The following IGFN1 variants were observed in gnomAD, a reference collection of about 807,000 sequenced individuals.
IGFN1 encodes the protein immunoglobulin-like and fibronectin type III domain-containing protein 1.
In IGFN1, 253 loss-of-function variants were observed where a neutral mutation model predicts 289.5. The observed-to-expected ratio is 0.87, with a 90% confidence interval of 0.79 to 0.97. The LOEUF (loss-of-function observed/expected upper bound fraction) is 0.97. Among genes scored for constraint, IGFN1 ranks in the 50% least tolerant of loss-of-function variants. IGFN1 has a pLI of 0.00. For synonymous variants in IGFN1, 1,706 were observed against 1,788.5 expected, an observed-to-expected ratio of 0.95 and a Z score of 1.16; for missense variants, 4,470 against 4,686.1, an observed-to-expected ratio of 0.95 and a Z score of 1.35.
rs1218794750 is a variant in IGFN1, at chr1:201,201,837, G to A, written c.747+5G>A. 2 of 1,311,086 alleles carry A rather than the reference G, an allele frequency of 1.5e-6. No individual in the cohort carries two copies. Among genetic ancestry groups the A allele is most frequent in the South Asian group, 2.5e-5 (2 of 79,410 alleles). 81.2% of individuals were successfully genotyped at this position (1,311,086 alleles called of 1,614,324 possible). On this transcript the variant is annotated splice_donor_5th_base_variant and intron_variant, in intron 9 of 23. Transcript: ENST00000335211. The stretch of plus-strand genomic sequence containing the variant: ...AGCAAGATTTACCTGTATAAGGTGA[G>A]GCTGGAGGGGCTATGGGTGGGGGGG...
chr1:201,216,178 C>A, intron 15 of IGFN1: 1 of 603,852 alleles, frequency 1.7e-6, no homozygotes, highest in Non-Finnish European at 3.0e-6. Flanking sequence ...GGTGCCCATA[C>A]CAGCCACCGG....
intron 8 of IGFN1, 22 bp downstream of exon 8, chr1:201,200,433 C>A: frequency 1.3e-6 from 2 of 1,541,816 alleles, no homozygotes; most frequent in Admixed American, 2.0e-5. Context: ...CATTCCCACC[C>A]CTCACTCCAT....
intron 15 of IGFN1, chr1:201,216,082 A>G (rs1653242326): frequency 2.9e-6 from 2 of 697,426 alleles, no homozygotes; most frequent in South Asian, 3.0e-5. Flanking sequence ...ACCCCAATAC[A>G]CTGGGCCCTC....
rs1201145924 is a variant in IGFN1, at chr1:201,211,767, G to A, written c.6874G>A (p.Gly2292Ser). 1 of 1,536,840 alleles carries A rather than the reference G, an allele frequency of 6.5e-7. No homozygotes were observed. Residue 2292 changes from glycine to serine, a missense_variant, in exon 12 of 24, where the codon GGT becomes AGT. By Grantham distance (56) the Gly-to-Ser change is moderately conservative. Transcript: ENST00000335211. ...DEAGYKNVLG[G>S]SGRNPLGSEA... ...GGCAGGTTATAAGAATGTTTTAGGG[G>A]GTTCTGGGAGGAATCCATTAGGGAG...
Position 201,194,270 on chromosome 1 carries a change from G to A in IGFN1, c.124G>A (p.Glu42Lys). 1 of 1,551,412 alleles carries A rather than the reference G, an allele frequency of 6.4e-7. No homozygotes were observed. Among genetic ancestry groups the A allele is most frequent in the Middle Eastern group, 1.7e-4 (1 of 5,916 alleles). The change falls in exon 3 of 24, where the codon GAG (glutamate) becomes AAG (lysine). Residue 42 changes from glutamate (E) to lysine (K), a missense_variant. Coordinates refer to ENST00000335211, the MANE Select transcript of IGFN1 (RefSeq NM_001164586.2). ...GAAGCCCGTCACCTCGGCTCTGCCA[G>A]AGGGTGAGCCCAGAGGGGAGCTGCG... ...EQKPVTSALPEGKNAVFRAVV... is the reference protein window; with the variant it reads ...EQKPVTSALPKGKNAVFRAVV...
chr1:201,207,849 G>T lies in IGFN1; in HGVS notation c.2956G>T (p.Gly986Cys). 2 of 1,535,928 alleles carry T rather than the reference G, an allele frequency of 1.3e-6. No homozygotes were observed. Among genetic ancestry groups the T allele is most frequent in the Non-Finnish European group, 1.7e-6 (2 of 1,146,146 alleles). The change falls in exon 12 of 24, where the codon GGC becomes TGC. Residue 986 changes from glycine to cysteine, a missense_variant. Physicochemically the swap from Gly to Cys is radical, Grantham distance 159 (BLOSUM62 -3). Coordinates refer to ENST00000335211, the MANE Select transcript of IGFN1 (RefSeq NM_001164586.2). ...AGGGGTTCCAGGAGAAATGGGGTCC[G>T]GCCATGGTGCTGGTTGTAGAGTTTC... ...GSGVPGEMGS[G>C]HGAGCRVSPR...
chr1:201,198,615 C>T lies in IGFN1; in HGVS notation c.368-719C>T, dbSNP rs371095017. 7.2e-5 allele frequency among the ~76,000 whole-genome samples: 11 copies of T among 151,822 alleles called. No individual in the cohort carries two copies. The South Asian group carries it at 2.3e-3, about 32-fold the overall frequency. On this transcript the variant is annotated intron_variant, in intron 5 of 23. Coordinates refer to ENST00000335211, the MANE Select transcript of IGFN1 (RefSeq NM_001164586.2). ...AATTTTTTTATTTTTTTTGTAGAGG[C>T]GGGGTCTCCCTGTGTTGCCCAGGCT... is the stretch of plus-strand genomic sequence containing the variant.
chr1:201,219,838 G>T (rs750209991), intron 18 of IGFN1, among the ~76,000 whole-genome samples: 2 of 152,210 alleles, frequency 1.3e-5, no homozygotes, highest in Non-Finnish European at 2.9e-5. Flanking sequence ...ATGGAGGGAT[G>T]GGGGAGGAAA....
In IGFN1 at chr1:201,200,416, C is replaced by G. The variant is rs1405205295; in HGVS notation, c.633+5C>G. On this transcript the variant is annotated splice_donor_5th_base_variant and intron_variant, in intron 8 of 23. Transcript: ENST00000335211. Reference sequence around the variant, plus strand: ...CAGGAGGACAAGATGGCACAGGTGCCTCACCCCATTCCCACCCCTCACTCC... The same window carrying G: ...CAGGAGGACAAGATGGCACAGGTGCGTCACCCCATTCCCACCCCTCACTCC... 1.9e-6 allele frequency: 3 copies of G among 1,550,400 alleles called. No homozygotes were observed. The highest frequency in any genetic ancestry group is 2.6e-6 in the Non-Finnish European group (3 of 1,146,182).
intron 22 of IGFN1, 28 bp downstream of exon 22, chr1:201,226,151 G>A: frequency 6.5e-7 from 1 of 1,549,782 alleles, no homozygotes; most frequent in African/African-American, 1.4e-5. Context: ...GGGAGGAGCA[G>A]GCAGGGTGGG....
chr1:201,213,596 T>G lies in IGFN1; in HGVS notation c.8703T>G (p.Thr2901=). 6.2e-7 allele frequency: 1 copy of G among 1,613,846 alleles called. No homozygotes were observed. The highest frequency in any genetic ancestry group is 8.5e-7 in the Non-Finnish European group (1 of 1,179,832). ...RSSTSRYKPG[T]GSFSKDAQGP... is the part of the protein sequence containing the mutation. ...CCACATCCAGATACAAGCCTGGCAC[T>G]GGCAGTTTCTCCAAGGATGCCCAAG... Residue 2901 remains threonine, a synonymous_variant, in exon 12 of 24, where the codon ACT becomes ACG. Transcript: ENST00000335211.
At chr1:201,225,023 T>C (rs1166723253) in intron 21 of IGFN1, 149 bp downstream of exon 21, 4 of 588,706 alleles carry the variant, frequency 6.8e-6, no homozygotes, top group East Asian at 3.1e-5. Flanking sequence ...CCATGCTTGA[T>C]GATAGAAAGT....
rs1196851183 is a variant in IGFN1 at position 201,207,942 on chromosome 1, G to C, written c.3049G>C (p.Gly1017Arg). Residue 1017 changes from glycine to arginine, a missense_variant, in exon 12 of 24, where the codon GGG (glycine) becomes CGG (arginine). Around this residue, in one of 8 missense-constraint regions of IGFN1, gnomAD observed 2,011 missense variants for 1,953.4 expected, o/e 1.03. Transcript: ENST00000335211. ...GGYRHGSGAP[G>R]GVWSGNEDSG... The stretch of plus-strand genomic sequence containing the variant: ...GTACAGGCATGGCTCCGGAGCGCCT[G>C]GGGGAGTGTGGTCTGGAAATGAAGA... 2.0e-6 allele frequency: 3 copies of C among 1,536,758 alleles called. No homozygotes were observed. The highest frequency in any genetic ancestry group is 2.6e-6 in the Non-Finnish European group (3 of 1,146,820).
intron 14 of IGFN1, 112 bp downstream of exon 14, chr1:201,215,266 T>C (rs542985567): frequency 8.7e-7 from 1 of 1,152,870 alleles, no homozygotes; most frequent in African/African-American, 1.6e-5. Flanking sequence ...GCAGCCAGTA[T>C]CTAATCTCAT....
At position 201,206,097 on chromosome 1, in the gene IGFN1, G is replaced by T. The variant is rs1335431765; in HGVS notation, c.1204G>T (p.Asp402Tyr). 6.5e-7 allele frequency: 1 copy of T among 1,548,932 alleles called. No individual in the cohort carries two copies. Among genetic ancestry groups the T allele is most frequent in the East Asian group, 2.4e-5 (1 of 40,916 alleles). The change falls in exon 12 of 24, where the codon GAC becomes TAC. Residue 402 changes from aspartate (D) to tyrosine (Y), a missense_variant. Transcript: ENST00000335211. ...CCTCACTGAAGCTGGGAAGGATAAA[G>T]ACCTTCAGTCCACAAGTGCTGACCA... ...WLVVEAGKDK[D>Y]LQSTSADHKL... is the part of the protein sequence containing the mutation.
chr1:201,194,364 AC>A, intron 3 of IGFN1, 91 bp downstream of exon 3: 1 of 1,398,986 alleles, frequency 7.1e-7, no homozygotes, highest in Non-Finnish European at 9.7e-7. Context: ...CTTCCTGGGG[AC>A]CCAGGCCCTA....
At chr1:201,216,035 C>G in intron 15 of IGFN1, 197 bp downstream of exon 15, 1 of 733,256 alleles carries the variant, frequency 1.4e-6, no homozygotes, top group South Asian at 1.5e-5. Context: ...CAGTGCTGGG[C>G]TCCTGCTGGG....
At chr1:201,225,714 G>A in intron 21 of IGFN1, 110 bp from the exon 22 acceptor site, 1 of 921,672 alleles carries the variant, frequency 1.1e-6, no homozygotes, top group East Asian at 2.8e-5. Flanking sequence ...CTACTTGTGT[G>A]GCAAGACTGC....
chr1:201,197,286 C>T lies in IGFN1; in HGVS notation c.336C>T (p.Ala112=), dbSNP rs751992548. The T allele has an allele frequency of 1.0e-5, 16 of 1,551,346 alleles. No homozygotes were observed. The highest frequency in any genetic ancestry group is 9.5e-5 in the South Asian group (8 of 84,058). ...CAGCAGTAAATGCGTACGGAGAGGC[C>T]GCTTGCTCAGTGAGACTCACTGTCA... ...RCTAVNAYGE[A]ACSVRLTVIE... The change falls in exon 5 of 24, where the codon GCC becomes GCT. Residue 112 remains alanine (A), a synonymous_variant. Transcript: ENST00000335211.
Sources: gnomAD v4.1 joint callset for allele counts (sites outside exome capture counted in the v4.1 genomes callset) on GRCh38, gnomAD v4.1.1 for gene constraint, gnomAD v4.1.1 regional missense constraint, MANE v1.5 for transcripts, NCBI Gene and HGNC (gene_info 2026-07-23, HGNC 2026-07-21) for gene names.